Variants in SLC25A12 observed in about 807,000 individuals in gnomAD.
SLC25A12 encodes electrogenic aspartate/glutamate antiporter SLC25A12, mitochondrial.
SLC25A12 carries 32 observed loss-of-function variants against 83.3 expected under a neutral mutation model. That is an observed-to-expected ratio of 0.38 (90% CI 0.29 to 0.52). The LOEUF is 0.52. Among genes scored for constraint, SLC25A12 ranks in the 20% least tolerant of loss-of-function variants. The pLI is 0.84. For synonymous variants in SLC25A12, 267 were observed against 291.1 expected, an observed-to-expected ratio of 0.92 and a Z score of 0.84; for missense variants, 611 against 835.6, an observed-to-expected ratio of 0.73 and a Z score of 3.31.
intron 4 of SLC25A12, among the ~76,000 whole-genome samples, chr2:171,853,804 T>C (rs921271979): frequency 6.6e-6 from 1 of 152,220 alleles, no homozygotes; most frequent in Non-Finnish European, 1.5e-5. Flanking sequence ...ATGGCATGTG[T>C]CTTATTGTTA....
At chr2:171,850,953 T>C (rs1386694716) in intron 4 of SLC25A12, among the ~76,000 whole-genome samples, 2 of 152,200 alleles carry the variant, frequency 1.3e-5, no homozygotes, top group Non-Finnish European at 2.9e-5. Context: ...ACATTTTTAT[T>C]TGCTATATGT....
chr2:171,849,318 T>C (rs1329409496), intron 4 of SLC25A12, among the ~76,000 whole-genome samples: 2 of 151,800 alleles, frequency 1.3e-5, no homozygotes, highest in Non-Finnish European at 2.9e-5. Flanking sequence ...CCTTGAACTC[T>C]TAAGCTACTC....
chr2:171,875,687 G>A (rs189728081), intron 2 of SLC25A12, among the ~76,000 whole-genome samples: 151 of 151,808 alleles, frequency 9.9e-4, no homozygotes, highest in Middle Eastern at 3.4e-3. Flanking sequence ...GCGGAGACGG[G>A]TGGATCACGA....
At chr2:171,833,937 T>C (rs777102094) in intron 8 of SLC25A12, 26 bp downstream of exon 8, 16 of 1,300,082 alleles carry the variant, frequency 1.2e-5, no homozygotes, top group Non-Finnish European at 1.7e-5. Context: ...ATAATAAATA[T>C]CATGAAGAAT....
chr2:171,855,556 G>T (rs1429298035), intron 4 of SLC25A12, among the ~76,000 whole-genome samples: 2 of 148,340 alleles, frequency 1.3e-5, no homozygotes, highest in African/African-American at 5.0e-5. Flanking sequence ...GCCCAGGCTG[G>T]CCCAGAACAA....
intron 2 of SLC25A12, among the ~76,000 whole-genome samples, chr2:171,889,255 C>A (rs1685883444): frequency 1.3e-5 from 2 of 152,090 alleles, no homozygotes; most frequent in Admixed American, 1.3e-4. Flanking sequence ...ACCCCATCCC[C>A]CCAAAAAATA....
intron 9 of SLC25A12, among the ~76,000 whole-genome samples, chr2:171,821,626 T>C (rs1176746502): frequency 2.6e-5 from 4 of 152,236 alleles, no homozygotes; most frequent in Admixed American, 1.3e-4. Flanking sequence ...CATTTGGATA[T>C]CCTCTTTTGT....
At chr2:171,828,850 TG>T (rs1303657901) in intron 8 of SLC25A12, among the ~76,000 whole-genome samples, 1 of 152,210 alleles carries the variant, frequency 6.6e-6, no homozygotes, top group Non-Finnish European at 1.5e-5. Context: ...AAGCTCACAG[TG>T]GGTCATCAGT....
intron 11 of SLC25A12, among the ~76,000 whole-genome samples, chr2:171,811,802 T>C (rs1462674650): frequency 6.6e-6 from 1 of 152,198 alleles, no homozygotes; most frequent in Non-Finnish European, 1.5e-5. Flanking sequence ...ATCTATCCAT[T>C]GAGAAGGCTA....
chr2:171,890,817 C>T (rs1343579369), intron 2 of SLC25A12, among the ~76,000 whole-genome samples: 1 of 152,042 alleles, frequency 6.6e-6, no homozygotes, highest in East Asian at 1.9e-4. Context: ...TTAGGCCTTT[C>T]TGAAGGTGAG....
At chr2:171,842,180 T>TTA (rs1356380345) in intron 5 of SLC25A12, among the ~76,000 whole-genome samples, 1 of 152,110 alleles carries the variant, frequency 6.6e-6, no homozygotes, top group Non-Finnish European at 1.5e-5. Context: ...TTATACTATA[T>TTA]TATACAATGG....
rs151122845 is a variant in SLC25A12, at chr2:171,846,881, T to C, written c.326-2373A>G. On this transcript the variant is annotated intron_variant, in intron 4 of 17. Coordinates refer to ENST00000422440, the MANE Select transcript of SLC25A12 (RefSeq NM_003705.5). ...TAATGTATAATTTACATCTGGAAAA[T>C]ATCTCTGTAATAAAAACTTTAGATA... 3.6e-4 allele frequency among the ~76,000 whole-genome samples: 55 copies of C among 152,328 alleles called. No individual in the cohort carries two copies. In the East Asian group the frequency reaches 9.3e-3, roughly 26 times the overall value.
At position 171,813,496 on chromosome 2, in the gene SLC25A12, A is replaced by C. The variant is rs774315415; in HGVS notation, c.1014T>G (p.Ala338=). Residue 338 remains alanine (A), a splice_region_variant and synonymous_variant, in exon 11 of 18, where the codon GCT becomes GCG. Transcript: ENST00000422440. The part of the protein sequence containing the change: ...YRFTLGSVAG[A]VGATAVYPID... ...TAGGATACACTGCAGTGGCTCCCAC[A>C]GCTACAAACAGAACAATTTTTAGGC... The C allele has an allele frequency of 6.2e-7, 1 of 1,613,968 alleles. No individual in the cohort carries two copies.
chr2:171,856,300 T>C (rs17848721), intron 3 of SLC25A12, among the ~76,000 whole-genome samples: 38,669 of 151,884 alleles, frequency 0.25, 5,924 homozygotes, highest in Middle Eastern at 0.37. Flanking sequence ...GTTGTGGGGG[T>C]TTCCTGTGCT....
chr2:171,800,199 C>G (rs1683681836), intron 13 of SLC25A12, among the ~76,000 whole-genome samples: 1 of 151,772 alleles, frequency 6.6e-6, no homozygotes, highest in African/African-American at 2.4e-5. Context: ...CACAAACTGG[C>G]AAAAAAATAT....
At chr2:171,794,759 T>C (rs1482483927) in intron 13 of SLC25A12, among the ~76,000 whole-genome samples, 1 of 152,218 alleles carries the variant, frequency 6.6e-6, no homozygotes, top group East Asian at 1.9e-4. Flanking sequence ...CTGTTTATAT[T>C]ATGTAATCAT....
rs544450303 is a variant in SLC25A12 at position 171,858,932 on chromosome 2, G to A, written c.210-2983C>T. Among the ~76,000 whole-genome samples, 5 of 152,274 alleles carry A rather than the reference G, an allele frequency of 3.3e-5. 2 individuals carry two copies. Among genetic ancestry groups the A allele is most frequent in the African/African-American group, 1.2e-4 (5 of 41,548 alleles). ...TTTACTAAATATCTACATTTTGTCT[G>A]TCAGCATATTCAAAAAGACAAATCA... On this transcript the variant is annotated intron_variant, in intron 3 of 17. Transcript: ENST00000422440.
At chr2:171,815,017 G>C in intron 10 of SLC25A12, 104 bp downstream of exon 10, 1 of 912,052 alleles carries the variant, frequency 1.1e-6, no homozygotes, top group Non-Finnish European at 1.8e-6. Context: ...CTGAAGTCGT[G>C]ACCCATGGGA....
At chr2:171,797,314 T>C (rs1683618718) in intron 13 of SLC25A12, among the ~76,000 whole-genome samples, 1 of 152,214 alleles carries the variant, frequency 6.6e-6, no homozygotes, top group Non-Finnish European at 1.5e-5. Context: ...AATTGGGCAA[T>C]ATGATTTGAT....
Sources: allele counts gnomAD v4.1 joint callset (sites outside exome capture counted in the v4.1 genomes callset), GRCh38; gene constraint gnomAD v4.1.1; transcripts MANE v1.5; gene names NCBI Gene and HGNC (gene_info 2026-07-23, HGNC 2026-07-21).